Variants in SLC35F4 observed in about 807,000 individuals in gnomAD.
The protein encoded by SLC35F4 is chromosome 14 open reading frame 36.
Under a neutral mutation model 44.2 loss-of-function variants are expected in SLC35F4, and 24 were observed. The ratio of observed to expected loss-of-function variants is 0.54; its 90% CI spans 0.39 to 0.76. The LOEUF is 0.76. Ranked by LOEUF, SLC35F4 falls within the 30% of genes least tolerant of loss-of-function variation. SLC35F4 has a pLI of 0.00. For missense variants in SLC35F4, 562 were observed against 586.1 expected, an observed-to-expected ratio of 0.96 and a Z score of 0.42; for synonymous variants, 238 against 223.6, an observed-to-expected ratio of 1.06 and a Z score of -0.57.
chr14:57,633,302 C>T (rs531877811), intron 1 of SLC35F4, among the ~76,000 whole-genome samples: 71 of 152,200 alleles, frequency 4.7e-4, no homozygotes, highest in African/African-American at 1.7e-3. Context: ...TTGTAGGAAA[C>T]TGTCAAATTA....
At chr14:57,827,458 T>G (rs1313121671) in intron 1 of SLC35F4, among the ~76,000 whole-genome samples, 1 of 152,150 alleles carries the variant, frequency 6.6e-6, no homozygotes, top group African/African-American at 2.4e-5. Flanking sequence ...TGTTTACCTG[T>G]GTCTTATGTA....
chr14:57,743,914 G>A (rs139898726), intron 1 of SLC35F4, among the ~76,000 whole-genome samples: 20 of 152,270 alleles, frequency 1.3e-4, no homozygotes, highest in South Asian at 4.1e-4. Context: ...TGCAAGCCTC[G>A]TTCAACAGAT....
chr14:57,681,957 G>A (rs191711608), intron 1 of SLC35F4, among the ~76,000 whole-genome samples: 124 of 152,234 alleles, frequency 8.1e-4, no homozygotes, highest in Middle Eastern at 6.8e-3. Context: ...ACCATCTCAC[G>A]CCAGTTAGAA....
At chr14:57,641,387 G>C (rs1037688413) in intron 1 of SLC35F4, among the ~76,000 whole-genome samples, 1 of 151,660 alleles carries the variant, frequency 6.6e-6, no homozygotes, top group Non-Finnish European at 1.5e-5. Context: ...CTGGGCCTCA[G>C]TTTCCTCATC....
intron 1 of SLC35F4, among the ~76,000 whole-genome samples, chr14:57,732,367 T>C (rs918281699): frequency 2.6e-5 from 4 of 152,042 alleles, no homozygotes; most frequent in African/African-American, 9.7e-5. Flanking sequence ...ACAAGCACAG[T>C]AAAGTTATAA....
chr14:57,763,859 A>G (rs557461945), intron 1 of SLC35F4, among the ~76,000 whole-genome samples: 153 of 152,258 alleles, frequency 1.0e-3, no homozygotes, highest in African/African-American at 3.5e-3. Context: ...GTTACCAAGA[A>G]GTGTTATCTA....
intron 1 of SLC35F4, among the ~76,000 whole-genome samples, chr14:57,970,806 C>A (rs1298218553): frequency 2.0e-5 from 3 of 152,112 alleles, no homozygotes; most frequent in East Asian, 1.9e-4. Flanking sequence ...CCCAGGACAG[C>A]CTCTCTAGTC....
intron 1 of SLC35F4, among the ~76,000 whole-genome samples, chr14:57,714,130 G>A (rs564742048): frequency 6.6e-6 from 1 of 152,120 alleles, no homozygotes. Context: ...TGCCTACTCA[G>A]AATCAAAGAG....
chr14:57,786,300 C>T (rs1473428472), intron 1 of SLC35F4, among the ~76,000 whole-genome samples: 2 of 152,124 alleles, frequency 1.3e-5, no homozygotes, highest in African/African-American at 4.8e-5. Flanking sequence ...ATATGTCTAG[C>T]CCTGCCCCCA....
intron 1 of SLC35F4, among the ~76,000 whole-genome samples, chr14:57,634,060 C>T (rs1000461562): frequency 6.6e-6 from 1 of 152,054 alleles, no homozygotes; most frequent in Non-Finnish European, 1.5e-5. Context: ...TGTGTTAAAG[C>T]TGTAAAATGA....
chr14:57,841,406 A>G (rs1431402809), intron 1 of SLC35F4, among the ~76,000 whole-genome samples: 1 of 152,216 alleles, frequency 6.6e-6, no homozygotes, highest in Non-Finnish European at 1.5e-5. Flanking sequence ...CCAGAAAACT[A>G]AAATAGCGAT....
chr14:57,598,674 A>G (rs1168594943), intron 1 of SLC35F4, among the ~76,000 whole-genome samples: 4 of 152,308 alleles, frequency 2.6e-5, no homozygotes, highest in East Asian at 1.9e-4. Context: ...CATTCAAACA[A>G]AGGCCTTACC....
intron 1 of SLC35F4, among the ~76,000 whole-genome samples, chr14:57,817,061 T>G (rs1299610501): frequency 6.6e-6 from 1 of 152,174 alleles, no homozygotes; most frequent in East Asian, 1.9e-4. Flanking sequence ...CTGGAACTAG[T>G]GACTCACCAG....
chr14:57,772,865 G>GAT (rs1214754388), intron 1 of SLC35F4, among the ~76,000 whole-genome samples: 1 of 152,168 alleles, frequency 6.6e-6, no homozygotes, highest in African/African-American at 2.4e-5. Context: ...CCCTTAGGTA[G>GAT]ATAACCAATA....
chr14:57,849,024 C>T (rs1397109191), intron 1 of SLC35F4, among the ~76,000 whole-genome samples: 1 of 152,164 alleles, frequency 6.6e-6, no homozygotes, highest in Non-Finnish European at 1.5e-5. Flanking sequence ...CTGTAGCATG[C>T]TAACTTGATA....
At chr14:57,898,807 C>T (rs1888939301) in intron 1 of SLC35F4, among the ~76,000 whole-genome samples, 1 of 152,132 alleles carries the variant, frequency 6.6e-6, no homozygotes, top group African/African-American at 2.4e-5. Flanking sequence ...TCTGGTTAAT[C>T]TTTGTCATGT....
At chr14:57,909,240 A>G (rs1889168635) in intron 1 of SLC35F4, among the ~76,000 whole-genome samples, 1 of 152,108 alleles carries the variant, frequency 6.6e-6, no homozygotes, top group Non-Finnish European at 1.5e-5. Context: ...ACCCCACCCC[A>G]TAGTGGTATA....
chr14:57,731,753 G>T (rs1166800302), intron 1 of SLC35F4, among the ~76,000 whole-genome samples: 5 of 152,186 alleles, frequency 3.3e-5, no homozygotes, highest in Non-Finnish European at 7.3e-5. Flanking sequence ...TGGAGGAAAA[G>T]AATTCAGAAA....
chr14:57,606,610 G>A (rs2071181979), intron 1 of SLC35F4, among the ~76,000 whole-genome samples: 1 of 152,150 alleles, frequency 6.6e-6, no homozygotes, highest in African/African-American at 2.4e-5. Flanking sequence ...ACATACAAGT[G>A]TATACAAAGA....
Sources: gnomAD v4.1 joint callset for allele counts (sites outside exome capture counted in the v4.1 genomes callset) on GRCh38, gnomAD v4.1.1 for gene constraint, MANE v1.5 for transcripts, NCBI Gene and HGNC (gene_info 2026-07-23, HGNC 2026-07-21) for gene names.